Variants in USF2 observed in about 807,000 individuals in gnomAD.
The protein encoded by USF2 is upstream transcription factor 2, c-fos interacting, also known as upstream stimulatory factor 2.
A neutral mutation model predicts 46.9 loss-of-function variants in USF2; 16 were observed. The ratio of observed to expected loss-of-function variants is 0.34; its 90% CI spans 0.23 to 0.52. USF2 has a LOEUF of 0.52. Among genes scored for constraint, USF2 ranks in the 20% least tolerant of loss-of-function variants. The pLI is 0.96. For synonymous variants in USF2, 239 were observed against 194.1 expected, an observed-to-expected ratio of 1.23 and a Z score of -1.92; for missense variants, 411 against 474.0, an observed-to-expected ratio of 0.87 and a Z score of 1.23.
chr19:35,279,008 G>A lies in USF2; in HGVS notation c.885G>A (p.Gln295=), dbSNP rs758320507. Residue 295 remains glutamine (Q), a synonymous_variant, in exon 9 of 10, where the codon CAG becomes CAA. Transcript: ENST00000222305. ...TCCGGGAGTTGCGCCAGACCAACCA[G>A]CGCATGCAGGAGACCTTCAAAGAGG... ...DYIRELRQTN[Q]RMQETFKEAE... 2 of 1,576,352 alleles carry A rather than the reference G, an allele frequency of 1.3e-6. No homozygotes were observed. Among genetic ancestry groups the A allele is most frequent in the Non-Finnish European group, 1.7e-6 (2 of 1,160,290 alleles).
At chr19:35,270,141 G>A in intron 4 of USF2, 138 bp downstream of exon 4, 1 of 1,080,382 alleles carries the variant, frequency 9.3e-7, no homozygotes, top group Non-Finnish European at 1.2e-6. Flanking sequence ...CATGGGGCCA[G>A]ATCCCTGTTG....
chr19:35,275,580 A>C (rs1304093715), intron 7 of USF2, among the ~76,000 whole-genome samples: 1 of 152,054 alleles, frequency 6.6e-6, no homozygotes, highest in African/African-American at 2.4e-5. Flanking sequence ...CTTTAGCTAC[A>C]TCCCACTGGG....
intron 7 of USF2, among the ~76,000 whole-genome samples, chr19:35,276,780 G>A (rs1031098311): frequency 3.3e-5 from 5 of 152,184 alleles, no homozygotes; most frequent in African/African-American, 7.2e-5. Context: ...GGCGCCTGGC[G>A]TTCCCGAGGC....
intron 4 of USF2, chr19:35,270,204 T>C (rs2066130150): frequency 1.2e-6 from 1 of 854,508 alleles, no homozygotes; most frequent in South Asian, 2.2e-5. Context: ...TCCCGCAAAA[T>C]GGGAATGATG....
rs563225539 is a variant in USF2, at chr19:35,274,720, G to A, written c.727+3579G>A. The stretch of plus-strand genomic sequence containing the variant: ...ACTTGGGAACCTGTGGTGGGAAGAT[G>A]GCTTGAGTCCGGGAGACAGAGGTTG... On this transcript the variant is annotated intron_variant, in intron 7 of 9. Transcript: ENST00000222305. 2.0e-5 allele frequency among the ~76,000 whole-genome samples: 3 copies of A among 152,324 alleles called. No homozygotes were observed. The South Asian group carries it at 6.2e-4, about 32-fold the overall frequency.
intron 7 of USF2, among the ~76,000 whole-genome samples, chr19:35,276,089 T>TG (rs35514905): frequency 6.7e-6 from 1 of 148,310 alleles, no homozygotes; most frequent in Non-Finnish European, 1.5e-5. Context: ...TTTTTTTTTT[T>TG]GAGACAGAGT....
At chr19:35,278,529 G>GT in intron 7 of USF2, 169 bp from the exon 8 acceptor site, 4 of 672,460 alleles carry the variant, frequency 5.9e-6, no homozygotes, top group Non-Finnish European at 1.0e-5. Context: ...GAGAAGCTGG[G>GT]GTGGGGGCCG....
intron 9 of USF2, 39 bp from the exon 10 acceptor site, chr19:35,279,128 C>T (rs2066275676): frequency 6.2e-7 from 1 of 1,612,388 alleles, no homozygotes; most frequent in Non-Finnish European, 8.5e-7. Flanking sequence ...ATGCAAGGCG[C>T]TGGCCCTCAG....
At chr19:35,279,117 G>C in intron 9 of USF2, 43 bp downstream of exon 9, 5 of 1,612,932 alleles carry the variant, frequency 3.1e-6, no homozygotes, top group Non-Finnish European at 4.2e-6. Flanking sequence ...AGGAGCCCCA[G>C]ATGCAAGGCG....
intron 7 of USF2, among the ~76,000 whole-genome samples, chr19:35,274,698 T>C (rs765378946): frequency 2.0e-5 from 3 of 152,180 alleles, no homozygotes; most frequent in Non-Finnish European, 4.4e-5. Flanking sequence ...CCCAGCTACT[T>C]GGGAACCTGT....
Position 35,270,148 on chromosome 19 carries a change from G to A in USF2, c.429+145G>A. On this transcript the variant is annotated intron_variant, in intron 4 of 9. Transcript: ENST00000222305. Reference sequence around the variant, plus strand: ...TCAGGCTGCATGGGGCCAGATCCCTGTTGTGCACCGTGAAACCTGGGGACA... The same window carrying A: ...TCAGGCTGCATGGGGCCAGATCCCTATTGTGCACCGTGAAACCTGGGGACA... 4 of 1,054,198 alleles carry A rather than the reference G, an allele frequency of 3.8e-6. No homozygotes were observed. In the South Asian group the frequency reaches 7.8e-5, roughly 21 times the overall value. 65.3% of individuals were successfully genotyped at this position (1,054,198 alleles called of 1,614,324 possible).
At chr19:35,270,845 G>A (rs2066143553) in intron 6 of USF2, 40 bp downstream of exon 6, 5 of 1,610,748 alleles carry the variant, frequency 3.1e-6, no homozygotes, top group Non-Finnish European at 4.2e-6. Flanking sequence ...GTGTTGAAAT[G>A]GAAGGAAGAG....
chr19:35,271,057 C>T (rs765297494), intron 6 of USF2, 26 bp from the exon 7 acceptor site: 126 of 1,613,464 alleles, frequency 7.8e-5, no homozygotes, highest in South Asian at 1.5e-4. Flanking sequence ...TAATACATGC[C>T]CCCTTTTTTT....
At position 35,279,147 on chromosome 19, in the gene USF2, A is replaced by C. The variant is rs2145587342; in HGVS notation, c.952-20A>C. ...AAGGCGCTGGCCCTCAGCTCCCTTGACCTCCGTCGTGTCCGCCAGATCGAG... is the reference window on the plus strand; with the variant it reads ...AAGGCGCTGGCCCTCAGCTCCCTTGCCCTCCGTCGTGTCCGCCAGATCGAG... On this transcript the variant is annotated intron_variant, in intron 9 of 9. Transcript: ENST00000222305. The C allele has an allele frequency of 6.2e-7, 1 of 1,611,182 alleles. No homozygotes were observed. Among genetic ancestry groups the C allele is most frequent in the Non-Finnish European group, 8.5e-7 (1 of 1,178,874 alleles).
chr19:35,271,168 C>G, intron 7 of USF2, 27 bp downstream of exon 7: 1 of 1,613,598 alleles, frequency 6.2e-7, no homozygotes, highest in South Asian at 1.1e-5. Context: ...GCTCCGGGTC[C>G]CCCTGACCAC....
chr19:35,275,867 G>T (rs2066226876), intron 7 of USF2: 1 of 152,194 alleles, frequency 6.6e-6, no homozygotes, highest in Admixed American at 6.5e-5. Context: ...ACGAGGACAG[G>T]TGTCTGCTGC....
In USF2 at chr19:35,269,573, G is replaced by A; in HGVS notation, c.110-8G>A. 1 of 1,577,962 alleles carries A rather than the reference G, an allele frequency of 6.3e-7. No homozygotes were observed. The highest frequency in any genetic ancestry group is 1.4e-5 in the African/African-American group (1 of 73,442). On this transcript the variant is annotated splice_polypyrimidine_tract_variant and splice_region_variant and intron_variant, in intron 2 of 9. Coordinates refer to ENST00000222305, the MANE Select transcript of USF2 (RefSeq NM_003367.4). ...CCCTGACCGTGCCCCGACCCTCCTCGGCCCCAGGCGGGGACGGCCCAGGAG... is the reference window on the plus strand; with the variant it reads ...CCCTGACCGTGCCCCGACCCTCCTCAGCCCCAGGCGGGGACGGCCCAGGAG...
At chr19:35,276,358 C>G (rs1208000810) in intron 7 of USF2, among the ~76,000 whole-genome samples, 1 of 152,194 alleles carries the variant, frequency 6.6e-6, no homozygotes, top group Non-Finnish European at 1.5e-5. Flanking sequence ...CCACCCCACC[C>G]AGCTTCTGAA....
At position 35,279,441 on chromosome 19, in the gene USF2, T is replaced by C; in HGVS notation, c.*185T>C. On this transcript the variant is annotated 3_prime_UTR_variant, in exon 10 of 10. Transcript: ENST00000222305. Reference sequence around the variant, plus strand: ...TACAGTGCCCACCGCCCTCCTCCACTTGGAAACGGTATCCTCCCTGCCCAT... The same window carrying C: ...TACAGTGCCCACCGCCCTCCTCCACCTGGAAACGGTATCCTCCCTGCCCAT... 2 of 625,242 alleles carry C rather than the reference T, an allele frequency of 3.2e-6. No homozygotes were observed. Among genetic ancestry groups the C allele is most frequent in the South Asian group, 5.2e-5 (2 of 38,612 alleles). The allele number at this position is 625,242 out of a possible 1,614,324, so 38.7% of individuals were successfully genotyped here.
Sources: gnomAD v4.1 joint callset for allele counts (sites outside exome capture counted in the v4.1 genomes callset) on GRCh38, gnomAD v4.1.1 for gene constraint, MANE v1.5 for transcripts, NCBI Gene and HGNC (gene_info 2026-07-23, HGNC 2026-07-21) for gene names.